Variants in GAPVD1 observed in about 807,000 individuals in gnomAD.
GAPVD1 encodes the protein GTPase activating protein and VPS9 domains 1.
A neutral mutation model predicts 155.5 loss-of-function variants in GAPVD1; 35 were observed. That is an observed-to-expected ratio of 0.23 (90% confidence interval 0.17 to 0.30). The LOEUF is 0.30. Ranked by LOEUF, GAPVD1 falls within the 10% of genes least tolerant of loss-of-function variation. GAPVD1 has a pLI of 1.00. For missense variants in GAPVD1, 1,429 were observed against 1,775.7 expected (o/e 0.80, Z 3.51); for synonymous variants, 636 against 619.7 (o/e 1.03, Z -0.39).
chr9:125,311,307 A>AG (rs929931562), intron 8 of GAPVD1, among the ~76,000 whole-genome samples: 4 of 152,084 alleles, frequency 2.6e-5, no homozygotes, highest in African/African-American at 9.7e-5. Context: ...AATGCATTTC[A>AG]GGGGGGGAAG....
rs760826940 is a variant in GAPVD1 at position 125,302,399 on chromosome 9, A to C, written c.602A>C (p.His201Pro). 1 of 1,614,076 alleles carries C rather than the reference A, an allele frequency of 6.2e-7. No homozygotes were observed. The highest frequency in any genetic ancestry group is 1.1e-5 in the South Asian group (1 of 91,080). Residue 201 changes from histidine to proline, a missense_variant, in exon 5 of 28, where the codon CAT (histidine) becomes CCT (proline). His to Pro is a moderately conservative substitution (Grantham distance 77). Around this residue, in one of 4 missense-constraint regions of GAPVD1, gnomAD observed 628 missense variants for 733.4 expected, o/e 0.86. Transcript: ENST00000297933. ...AAACTTTTCCTCACAGCCACTTTAC[A>C]TGAGCCAATTATGCAACTGCTTGTT... is the stretch of plus-strand genomic sequence containing the variant. ...SAKLFLTATL[H>P]EPIMQLLVED...
rs1847109314 is a variant in GAPVD1 at position 125,336,934 on chromosome 9, A to G, written c.2429-84A>G. ...TAATGGATCAAAAAAGGAACCGTCA[A>G]AGAATACTTAAAACCCTTTAAACTG... On this transcript the variant is annotated intron_variant, in intron 15 of 27. Coordinates refer to ENST00000297933, the MANE Select transcript of GAPVD1 (RefSeq NM_001282680.3). The G allele has an allele frequency of 5.3e-6, 4 of 757,526 alleles. No individual in the cohort carries two copies. The Admixed American group carries it at 9.5e-5, about 18-fold the overall frequency. 46.9% of individuals were successfully genotyped at this position (757,526 alleles called of 1,614,324 possible).
At chr9:125,326,333 C>A in intron 11 of GAPVD1, 83 bp from the exon 12 acceptor site, 1 of 963,564 alleles carries the variant, frequency 1.0e-6, no homozygotes, top group Non-Finnish European at 1.6e-6. Flanking sequence ...GCCTGACCAA[C>A]ATGGAGATAA....
chr9:125,308,007 T>C, intron 8 of GAPVD1, 127 bp downstream of exon 8: 1 of 690,820 alleles, frequency 1.4e-6, no homozygotes, highest in South Asian at 1.7e-5. Context: ...TGTTTACTGA[T>C]GGTATTTCAG....
intron 2 of GAPVD1, among the ~76,000 whole-genome samples, chr9:125,290,595 A>G (rs1003701517): frequency 1.8e-4 from 28 of 152,210 alleles, no homozygotes; most frequent in African/African-American, 5.3e-4. Context: ...AAGTTTGAGA[A>G]GAGGAAATGA....
chr9:125,284,712 T>A (rs1837366163), intron 2 of GAPVD1, among the ~76,000 whole-genome samples: 1 of 151,988 alleles, frequency 6.6e-6, no homozygotes, highest in African/African-American at 2.4e-5. Flanking sequence ...CATTATAGAG[T>A]GTGTTTACAC....
chr9:125,264,964 C>T (rs1009308239), intron 1 of GAPVD1, among the ~76,000 whole-genome samples: 2 of 152,104 alleles, frequency 1.3e-5, no homozygotes, highest in Non-Finnish European at 2.9e-5. Context: ...AGTGATCTGC[C>T]CGCCTTGGCC....
intron 8 of GAPVD1, chr9:125,308,839 C>T (rs1160369005): frequency 5.9e-5 from 9 of 152,122 alleles, no homozygotes; most frequent in Admixed American, 5.2e-4. Flanking sequence ...GAGACTAGTA[C>T]CCTTCAGCAT....
In GAPVD1 at chr9:125,305,148, A is replaced by G; in HGVS notation, c.1115A>G (p.Lys372Arg). The G allele has an allele frequency of 3.1e-6, 5 of 1,595,406 alleles. No individual in the cohort carries two copies. Among genetic ancestry groups the G allele is most frequent in the Non-Finnish European group, 3.4e-6 (4 of 1,163,070 alleles). Reference sequence around the variant, plus strand: ...AAGAGCAGCCTTGGAAAGTTTGACAAAGTAAGAATAAATATGATTTATAGA... The same window carrying G: ...AAGAGCAGCCTTGGAAAGTTTGACAGAGTAAGAATAAATATGATTTATAGA... ...RTKSSLGKFD[K>R]SCVAAFLDVV... The change falls in exon 6 of 28, where the codon AAA becomes AGA. Residue 372 changes from lysine (K) to arginine (R), a missense_variant and splice_region_variant. Lys to Arg is a conservative substitution (Grantham distance 26, BLOSUM62 2). This residue lies in a region of GAPVD1 where 628 missense variants were observed against 733.4 expected (regional missense o/e 0.86). Transcript: ENST00000297933.
chr9:125,277,532 T>C (rs1835980034), intron 2 of GAPVD1, among the ~76,000 whole-genome samples: 1 of 152,174 alleles, frequency 6.6e-6, no homozygotes. Context: ...TTGTGTATCC[T>C]TCAGTATCCC....
At chr9:125,308,411 T>C (rs1176341108) in intron 8 of GAPVD1, 2 of 151,952 alleles carry the variant, frequency 1.3e-5, no homozygotes, top group Non-Finnish European at 2.9e-5. Flanking sequence ...TAATAAACAA[T>C]ATTATTTTAG....
intron 2 of GAPVD1, among the ~76,000 whole-genome samples, chr9:125,289,075 A>G (rs1325364995): frequency 6.6e-6 from 1 of 152,196 alleles, no homozygotes; most frequent in Non-Finnish European, 1.5e-5. Flanking sequence ...GGGAGAGAGT[A>G]ATAGAGTGAC....
chr9:125,333,237 C>T (rs770867552), intron 15 of GAPVD1, among the ~76,000 whole-genome samples: 7 of 151,876 alleles, frequency 4.6e-5, no homozygotes, highest in African/African-American at 7.3e-5. Flanking sequence ...CCCACCACCA[C>T]GCCCAGCTAA....
chr9:125,315,304 C>T (rs1169543074), intron 9 of GAPVD1, among the ~76,000 whole-genome samples: 1 of 152,126 alleles, frequency 6.6e-6, no homozygotes, highest in Non-Finnish European at 1.5e-5. Context: ...TCAGAATCAA[C>T]TTATTTGGAA....
chr9:125,342,670 A>G (rs1444364670), intron 19 of GAPVD1, among the ~76,000 whole-genome samples: 1 of 152,188 alleles, frequency 6.6e-6, no homozygotes, highest in Non-Finnish European at 1.5e-5. Flanking sequence ...CATTGATTGA[A>G]TAGTTTTCTC....
chr9:125,306,960 T>G (rs1444267651), intron 6 of GAPVD1, among the ~76,000 whole-genome samples: 1 of 152,034 alleles, frequency 6.6e-6, no homozygotes, highest in Non-Finnish European at 1.5e-5. Flanking sequence ...TGAAACCCCA[T>G]CTCTACAAAA....
At chr9:125,267,202 C>G (rs1834116130) in intron 1 of GAPVD1, among the ~76,000 whole-genome samples, 1 of 152,204 alleles carries the variant, frequency 6.6e-6, no homozygotes, top group African/African-American at 2.4e-5. Context: ...TTACTTTACA[C>G]ATAGAAGATG....
chr9:125,338,951 GTGTGTGTATA>G (rs1321404110), intron 17 of GAPVD1, among the ~76,000 whole-genome samples: 11 of 149,544 alleles, frequency 7.4e-5, no homozygotes, highest in South Asian at 6.4e-4. Flanking sequence ...GTGTGTGTGT[GTGTGTGTATA>G]TATATTTTTT....
At chr9:125,290,833 C>T (rs1838465695) in intron 2 of GAPVD1, among the ~76,000 whole-genome samples, 1 of 149,890 alleles carries the variant, frequency 6.7e-6, no homozygotes, top group African/African-American at 2.5e-5. Context: ...CCCATCTCTA[C>T]AAAATAAAAA....
Sources: allele counts gnomAD v4.1 joint callset (sites outside exome capture counted in the v4.1 genomes callset), GRCh38; gene constraint gnomAD v4.1.1; regional missense constraint gnomAD v4.1.1; transcripts MANE v1.5; gene names NCBI Gene and HGNC (gene_info 2026-07-23, HGNC 2026-07-21).